Variants in SAMD12 observed in about 807,000 individuals in gnomAD.
The protein encoded by SAMD12 is sterile alpha motif domain-containing protein 12.
Under a neutral mutation model 15.0 loss-of-function variants are expected in SAMD12, and 9 were observed. That is an observed-to-expected ratio of 0.60 (90% CI 0.36 to 1.05). The LOEUF is 1.05. Ranked by LOEUF, SAMD12 falls within the 50% of genes least tolerant of loss-of-function variation. The probability of loss-of-function intolerance (pLI) is 0.01; values close to 1 mark genes in which losing one functional copy is unlikely to be tolerated. For synonymous variants in SAMD12, 86 were observed against 90.1 expected, an observed-to-expected ratio of 0.96 and a Z score of 0.25; for missense variants, 230 against 234.2, an observed-to-expected ratio of 0.98 and a Z score of 0.12.
chr8:118,457,226 T>TA, intron 2 of SAMD12, among the ~76,000 whole-genome samples: 1 of 151,288 alleles, frequency 6.6e-6, no homozygotes, highest in East Asian at 1.9e-4. Flanking sequence ...CTCTCTCTTT[T>TA]TTTTTTTTTT....
chr8:118,431,655 A>T (rs528527376), intron 3 of SAMD12, among the ~76,000 whole-genome samples: 2 of 150,134 alleles, frequency 1.3e-5, no homozygotes, highest in Non-Finnish European at 3.0e-5. Flanking sequence ...TTTGTTTTTA[A>T]AATCTGACTC....
At chr8:118,559,693 TCTC>T (rs1361384490) in intron 2 of SAMD12, among the ~76,000 whole-genome samples, 1 of 152,190 alleles carries the variant, frequency 6.6e-6, no homozygotes, top group Non-Finnish European at 1.5e-5. Flanking sequence ...AAAAACATTC[TCTC>T]CTCTTCTCTT....
At chr8:118,333,150 C>T (rs2130507292) in intron 4 of SAMD12, among the ~76,000 whole-genome samples, 1 of 152,288 alleles carries the variant, frequency 6.6e-6, no homozygotes, top group African/African-American at 2.4e-5. Context: ...TTCCCTCACT[C>T]ACATATTTTC....
the SAMD12 span, among the ~76,000 whole-genome samples, chr8:118,136,912 T>G: frequency 6.6e-6 from 1 of 152,234 alleles, no homozygotes; most frequent in African/African-American, 2.4e-5. Flanking sequence ...TCCTCCCCCA[T>G]TTCTTTGGCA....
chr8:118,424,080 C>G (rs1256903678), intron 3 of SAMD12, among the ~76,000 whole-genome samples: 1 of 152,022 alleles, frequency 6.6e-6, no homozygotes, highest in African/African-American at 2.4e-5. Flanking sequence ...AAAAAACACA[C>G]TGGGCAAGGC....
At chr8:118,488,240 A>C (rs1824342825) in intron 2 of SAMD12, among the ~76,000 whole-genome samples, 1 of 151,732 alleles carries the variant, frequency 6.6e-6, no homozygotes, top group African/African-American at 2.4e-5. Flanking sequence ...TTTTTTTCAA[A>C]TGACAAGTTG....
chr8:118,386,641 G>T (rs1819979330), intron 3 of SAMD12, among the ~76,000 whole-genome samples: 1 of 152,204 alleles, frequency 6.6e-6, no homozygotes, highest in East Asian at 1.9e-4. Context: ...CACAGAGAAA[G>T]TGTCCTGCCT....
chr8:118,433,409 G>A (rs1050510511), intron 3 of SAMD12, among the ~76,000 whole-genome samples: 1 of 84,748 alleles, frequency 1.2e-5, no homozygotes, highest in Non-Finnish European at 2.7e-5. Flanking sequence ...TCATTGAAAG[G>A]GTCTTTTTTT....
intron 1 of SAMD12, among the ~76,000 whole-genome samples, chr8:118,596,554 C>T (rs1471309874): frequency 6.6e-6 from 1 of 152,190 alleles, no homozygotes; most frequent in Admixed American, 6.5e-5. Flanking sequence ...ATCAATGACC[C>T]CTTAATACTA....
intron 3 of SAMD12, among the ~76,000 whole-genome samples, chr8:118,414,224 A>T (rs1450801671): frequency 6.6e-6 from 1 of 152,178 alleles, no homozygotes; most frequent in African/African-American, 2.4e-5. Flanking sequence ...TTTTCCTTTA[A>T]ATAATTGTAT....
At chr8:118,376,193 C>T (rs984384947), downstream of SAMD12, among the ~76,000 whole-genome samples, 1 of 152,160 alleles carries the variant, frequency 6.6e-6, no homozygotes, top group African/African-American at 2.4e-5. Context: ...TTCCTTTCCT[C>T]AAAAATGGAC....
intron 4 of SAMD12, among the ~76,000 whole-genome samples, chr8:118,208,203 G>A (rs886826462): frequency 2.0e-5 from 3 of 152,154 alleles, no homozygotes; most frequent in Non-Finnish European, 2.9e-5. Context: ...GTTGTGGTGA[G>A]CCGAGATTGT....
intron 4 of SAMD12, among the ~76,000 whole-genome samples, chr8:118,353,394 G>A (rs1206841716): frequency 2.0e-5 from 3 of 151,870 alleles, no homozygotes; most frequent in African/African-American, 7.3e-5. Context: ...GGGCTTTAGG[G>A]AGGTAACAAG....
downstream of SAMD12, among the ~76,000 whole-genome samples, chr8:118,374,465 A>T (rs1819273640): frequency 6.6e-6 from 1 of 152,124 alleles, no homozygotes; most frequent in Admixed American, 6.6e-5. Flanking sequence ...TTATTTCAAG[A>T]TCCTGCTTTG....
intron 4 of SAMD12, among the ~76,000 whole-genome samples, chr8:118,358,538 T>C (rs1437726316): frequency 1.3e-5 from 2 of 152,184 alleles, no homozygotes; most frequent in Admixed American, 1.3e-4. Flanking sequence ...ACTTCCTACT[T>C]ACCATTATCT....
Position 118,415,448 on chromosome 8 carries a change from G to GGTGTGTGTGTGTGTGTGTGTGT in SAMD12, c.322+24362_322+24383dup, listed in dbSNP as rs58176749. On this transcript the variant is annotated intron_variant, in intron 3 of 3. Transcript: ENST00000314727. ...AAGTAAATAAATAACCTTGTCCTAAGGTGTGTGTGTGTGTGTGTGTGTGTG... is the reference window on the plus strand; with the variant it reads ...AAGTAAATAAATAACCTTGTCCTAAGGTGTGTGTGTGTGTGTGTGTGTGTGTGTGTGTGTGTGTGTGTGTGTG... 4.2e-5 allele frequency among the ~76,000 whole-genome samples: 6 copies of GGTGTGTGTGTGTGTGTGTGTGT among 142,952 alleles called. No individual in the cohort carries two copies. The South Asian group carries it at 9.7e-4, about 23-fold the overall frequency. 93.8% of individuals were successfully genotyped at this position (142,952 alleles called of 152,430 possible).
intron 4 of SAMD12, among the ~76,000 whole-genome samples, chr8:118,270,096 T>C (rs1394838246): frequency 1.3e-5 from 2 of 152,206 alleles, no homozygotes; most frequent in African/African-American, 4.8e-5. Flanking sequence ...TTACTTCCTA[T>C]CACAGAAACA....
At chr8:118,371,702 G>C (rs1393554130) in intron 4 of SAMD12, among the ~76,000 whole-genome samples, 1 of 152,162 alleles carries the variant, frequency 6.6e-6, no homozygotes, top group East Asian at 1.9e-4. Flanking sequence ...ACATCTTTTA[G>C]AGAGAGAAAA....
At chr8:118,142,670 G>A in the SAMD12 span, among the ~76,000 whole-genome samples, 1 of 152,196 alleles carries the variant, frequency 6.6e-6, no homozygotes, top group Non-Finnish European at 1.5e-5. Flanking sequence ...CTCACAATAT[G>A]CTGCTGACAT....
Sources: gnomAD v4.1 joint callset for allele counts (sites outside exome capture counted in the v4.1 genomes callset) on GRCh38, gnomAD v4.1.1 for gene constraint, MANE v1.5 for transcripts, NCBI Gene and HGNC (gene_info 2026-07-23, HGNC 2026-07-21) for gene names.